Variants in HORMAD2 observed in about 807,000 individuals in gnomAD.
The protein encoded by HORMAD2 is HORMA domain-containing protein 2.
In HORMAD2, 45 loss-of-function variants were observed where a neutral mutation model predicts 38.8. The observed-to-expected ratio is 1.16, with a 90% confidence interval of 0.91 to 1.49. HORMAD2 has a LOEUF of 1.49. Ranked by LOEUF, HORMAD2 falls within the 40% of genes most tolerant of loss-of-function variation. The pLI, the probability that HORMAD2 is intolerant of heterozygous loss-of-function variation, is 0.00. For missense variants in HORMAD2, 338 were observed against 367.0 expected (o/e 0.92, Z 0.65); for synonymous variants, 126 against 122.8 (o/e 1.03, Z -0.17).
At chr22:30,200,686 T>G in the HORMAD2 span, among the ~76,000 whole-genome samples, 1 of 151,752 alleles carries the variant, frequency 6.6e-6, no homozygotes, top group Admixed American at 6.6e-5. Flanking sequence ...CTAGGACTGC[T>G]GTCATAAAGT....
chr22:30,145,695 A>T (rs1924370906), intron 10 of HORMAD2, among the ~76,000 whole-genome samples: 1 of 152,230 alleles, frequency 6.6e-6, no homozygotes, highest in Admixed American at 6.5e-5. Context: ...TCAGTGACTT[A>T]TGTGACAACA....
chr22:30,203,002 C>T, the HORMAD2 span, among the ~76,000 whole-genome samples: 3 of 152,170 alleles, frequency 2.0e-5, no homozygotes, highest in African/African-American at 4.8e-5. Flanking sequence ...GAGGTGCACA[C>T]GGCCAAGATC....
At chr22:30,125,475 G>A (rs371248824) in intron 10 of HORMAD2, among the ~76,000 whole-genome samples, 5 of 151,700 alleles carry the variant, frequency 3.3e-5, no homozygotes, top group East Asian at 3.9e-4. Flanking sequence ...TGATCCGTCC[G>A]CCTCAGCCTC....
At chr22:30,145,645 T>C (rs956432414) in intron 10 of HORMAD2, among the ~76,000 whole-genome samples, 2 of 152,046 alleles carry the variant, frequency 1.3e-5, no homozygotes, top group Non-Finnish European at 1.5e-5. Flanking sequence ...GTCACTCAAA[T>C]TGAAACATAA....
chr22:30,121,933 T>C, intron 9 of HORMAD2, 31 bp from the exon 10 acceptor site: 2 of 1,594,454 alleles, frequency 1.3e-6, no homozygotes. Context: ...AAACTCAGTT[T>C]TCATGGCTTT....
chr22:30,096,619 T>G (rs1261344521), intron 2 of HORMAD2, among the ~76,000 whole-genome samples: 2 of 151,818 alleles, frequency 1.3e-5, no homozygotes, highest in African/African-American at 4.8e-5. Flanking sequence ...GGGTGCCTTT[T>G]ACCACACCTG....
chr22:30,163,675 G>C (rs983062186), intron 10 of HORMAD2, among the ~76,000 whole-genome samples: 1 of 152,046 alleles, frequency 6.6e-6, no homozygotes. Context: ...TAATCCACCT[G>C]CCTCAGCCTC....
At chr22:30,111,152 CA>C (rs548430920) in intron 5 of HORMAD2, among the ~76,000 whole-genome samples, 189 of 83,022 alleles carry the variant, frequency 2.3e-3, no homozygotes, top group East Asian at 7.3e-3. Flanking sequence ...AAGACTCTGT[CA>C]AAAAAAAAAA....
intron 10 of HORMAD2, among the ~76,000 whole-genome samples, chr22:30,126,212 G>A (rs1922849244): frequency 6.6e-6 from 1 of 151,914 alleles, no homozygotes; most frequent in Non-Finnish European, 1.5e-5. Flanking sequence ...CTCCCAGGCT[G>A]GAGTGCAGTG....
chr22:30,087,752 A>G (rs1403913246), intron 1 of HORMAD2, among the ~76,000 whole-genome samples: 1 of 152,116 alleles, frequency 6.6e-6, no homozygotes, highest in Non-Finnish European at 1.5e-5. Context: ...ACACCTTTAA[A>G]CAACCAGATC....
chr22:30,152,772 TA>T, intron 10 of HORMAD2, among the ~76,000 whole-genome samples: 1 of 152,248 alleles, frequency 6.6e-6, no homozygotes, highest in Non-Finnish European at 1.5e-5. Flanking sequence ...CTTCCACCTC[TA>T]ATTGTGGGCA....
At chr22:30,117,148 A>T (rs894361001) in intron 7 of HORMAD2, among the ~76,000 whole-genome samples, 3 of 152,342 alleles carry the variant, frequency 2.0e-5, no homozygotes, top group Non-Finnish European at 2.9e-5. Context: ...TTTTCCCAAG[A>T]TCTGATCACC....
At chr22:30,126,419 G>A (rs1452732546) in intron 10 of HORMAD2, among the ~76,000 whole-genome samples, 2 of 151,934 alleles carry the variant, frequency 1.3e-5, no homozygotes, top group Non-Finnish European at 2.9e-5. Context: ...AGCCCGCCTC[G>A]GCCTGCCAAA....
At chr22:30,092,345 CTT>C (rs34673975) in intron 1 of HORMAD2, among the ~76,000 whole-genome samples, 27 of 107,928 alleles carry the variant, frequency 2.5e-4, no homozygotes, top group African/African-American at 5.7e-4. Context: ...AGATCCTTTG[CTT>C]TTTTTTTTTT....
the HORMAD2 span, among the ~76,000 whole-genome samples, chr22:30,185,320 A>G: frequency 6.6e-6 from 1 of 152,240 alleles, no homozygotes; most frequent in South Asian, 2.1e-4. Flanking sequence ...GTCGGAACCT[A>G]GTTTATGCTT....
At chr22:30,142,460 C>T (rs1924148605) in intron 10 of HORMAD2, among the ~76,000 whole-genome samples, 1 of 152,080 alleles carries the variant, frequency 6.6e-6, no homozygotes, top group Non-Finnish European at 1.5e-5. Flanking sequence ...TACTGAAGTT[C>T]AGGTATTGAA....
chr22:30,134,217 G>A (rs920745577), intron 10 of HORMAD2, among the ~76,000 whole-genome samples: 1 of 151,578 alleles, frequency 6.6e-6, no homozygotes, highest in African/African-American at 2.4e-5. Context: ...GGCCAACATG[G>A]TGAAACCCTG....
chr22:30,081,982 T>C (rs1017167777), intron 1 of HORMAD2, among the ~76,000 whole-genome samples: 35 of 152,162 alleles, frequency 2.3e-4, no homozygotes, highest in African/African-American at 8.5e-4. Flanking sequence ...TTCTTTTAAT[T>C]CTCTGTTCTT....
the HORMAD2 span, among the ~76,000 whole-genome samples, chr22:30,206,155 CAG>C: frequency 6.6e-6 from 1 of 152,026 alleles, no homozygotes; most frequent in Non-Finnish European, 1.5e-5. Context: ...CACCGAGACC[CAG>C]AGAGTTTTTT....
Sources: gnomAD v4.1 joint callset for allele counts (sites outside exome capture counted in the v4.1 genomes callset) on GRCh38, gnomAD v4.1.1 for gene constraint, MANE v1.5 for transcripts, NCBI Gene and HGNC (gene_info 2026-07-23, HGNC 2026-07-21) for gene names.